The following SSBP3 variants were observed in gnomAD, a reference collection of about 807,000 sequenced individuals.
SSBP3 encodes the protein single stranded DNA binding protein 3.
SSBP3 carries 5 observed loss-of-function variants against 69.6 expected under a neutral mutation model. The ratio of observed to expected loss-of-function variants is 0.07; its 90% CI spans 0.04 to 0.15. The LOEUF (loss-of-function observed/expected upper bound fraction) is 0.15, where lower values mean the gene tolerates loss of function less well. Ranked by LOEUF, SSBP3 falls within the 10% of genes least tolerant of loss-of-function variation. The pLI, the probability that SSBP3 is intolerant of heterozygous loss-of-function variation, is 1.00. For synonymous variants in SSBP3, 196 were observed against 193.4 expected (o/e 1.01, Z -0.11); for missense variants, 312 against 534.0 (o/e 0.58, Z 4.10).
chr1:54,381,382 CAAAAAAAAAA>C (rs59809996), intron 4 of SSBP3, among the ~76,000 whole-genome samples: 22 of 69,498 alleles, frequency 3.2e-4, no homozygotes, highest in Admixed American at 1.9e-3. Context: ...TACACCATCT[CAAAAAAAAAA>C]AAAAAAAAAA....
intron 4 of SSBP3, among the ~76,000 whole-genome samples, chr1:54,290,613 T>TCCAG (rs1361620167): frequency 5.3e-5 from 8 of 152,204 alleles, no homozygotes; most frequent in African/African-American, 1.9e-4. Context: ...AGCACCCGGC[T>TCCAG]TCTTCTGGGG....
At chr1:54,404,522 A>G in intron 3 of SSBP3, 54 bp downstream of exon 3, 1 of 1,599,536 alleles carries the variant, frequency 6.3e-7, no homozygotes, top group Admixed American at 1.7e-5. Flanking sequence ...GTTCACTTGG[A>G]CCCAGGGCTC....
In SSBP3 at chr1:54,396,193, G is replaced by GAAAA. The variant is rs59276509; in HGVS notation, c.276+5664_276+5667dup. On this transcript the variant is annotated intron_variant, in intron 4 of 17. Transcript: ENST00000610401. ...GGTGACAGAGTGAGACTCCATCTCA[G>GAAAA]AAAAAAAAAAAAAAAAAAAAAAAAA... 3.9e-3 allele frequency among the ~76,000 whole-genome samples: 159 copies of GAAAA among 40,566 alleles called. 1 individual carries two copies. The highest frequency in any genetic ancestry group is 5.6e-3 in the Non-Finnish European group (121 of 21,532). The allele number at this position is 40,566 out of a possible 152,430, so 26.6% of individuals were successfully genotyped here.
chr1:54,255,659 C>G (rs1383310942), intron 7 of SSBP3: 2 of 152,060 alleles, frequency 1.3e-5, no homozygotes, highest in African/African-American at 2.4e-5. Flanking sequence ...AGCTGGGTCT[C>G]TAATTCCTCT....
chr1:54,276,441 T>C (rs991007657), intron 5 of SSBP3, among the ~76,000 whole-genome samples: 4 of 151,302 alleles, frequency 2.6e-5, no homozygotes, highest in African/African-American at 7.3e-5. Flanking sequence ...TGAAACCCCA[T>C]CTCTACTAAA....
Position 54,241,593 on chromosome 1 carries a change from C to T in SSBP3, c.766-84G>A, listed in dbSNP as rs1307151514. On this transcript the variant is annotated intron_variant, in intron 11 of 17. Transcript: ENST00000610401. Reference sequence around the variant, plus strand: ...AACCTCCCTGAGGACACGACCCACTCTTCACAGGAAAGGCATCGCCACCCA... The same window carrying T: ...AACCTCCCTGAGGACACGACCCACTTTTCACAGGAAAGGCATCGCCACCCA... 6.8e-6 allele frequency: 10 copies of T among 1,461,436 alleles called. No homozygotes were observed. The South Asian group carries it at 9.1e-5, about 13-fold the overall frequency. 90.5% of individuals were successfully genotyped at this position (1,461,436 alleles called of 1,614,324 possible).
At chr1:54,308,971 C>G (rs757881965) in intron 4 of SSBP3, among the ~76,000 whole-genome samples, 1 of 151,920 alleles carries the variant, frequency 6.6e-6, no homozygotes, top group Non-Finnish European at 1.5e-5. Flanking sequence ...TTAGAATAAT[C>G]AGGGACAAGA....
At chr1:54,235,053 C>T (rs1644462572) in intron 14 of SSBP3, among the ~76,000 whole-genome samples, 1 of 152,180 alleles carries the variant, frequency 6.6e-6, no homozygotes, top group East Asian at 1.9e-4. Flanking sequence ...TAACACGGTA[C>T]CACCAAACTA....
At chr1:54,245,031 C>A (rs1346463817) in intron 9 of SSBP3, among the ~76,000 whole-genome samples, 3 of 152,200 alleles carry the variant, frequency 2.0e-5, no homozygotes, top group Non-Finnish European at 4.4e-5. Flanking sequence ...CAGACTGGCA[C>A]TCACTACGCT....
At chr1:54,312,181 G>A (rs1646015202) in intron 4 of SSBP3, among the ~76,000 whole-genome samples, 1 of 152,134 alleles carries the variant, frequency 6.6e-6, no homozygotes, top group Non-Finnish European at 1.5e-5. Context: ...TGTAATCCCA[G>A]TGCTTTGGGA....
intron 4 of SSBP3, among the ~76,000 whole-genome samples, chr1:54,291,731 T>G (rs1214397297): frequency 6.6e-6 from 1 of 152,202 alleles, no homozygotes; most frequent in East Asian, 1.9e-4. Flanking sequence ...TAAAGAATGA[T>G]GTAGGTCACA....
In SSBP3 at chr1:54,401,843, TA is replaced by T; in HGVS notation, c.276+17del. On this transcript the variant is annotated intron_variant, in intron 4 of 17. Transcript: ENST00000610401. ...CCAACCCTATAATTATTGCTAGGAT[TA>T]AAAATATGTTACTCACATAATCATG... 6.2e-7 allele frequency: 1 copy of T among 1,605,386 alleles called. No individual in the cohort carries two copies. Among genetic ancestry groups the T allele is most frequent in the Non-Finnish European group, 8.5e-7 (1 of 1,172,480 alleles).
intron 4 of SSBP3, among the ~76,000 whole-genome samples, chr1:54,398,725 G>GTGACCCTCCTCCCA (rs1191277202): frequency 4.6e-5 from 7 of 151,986 alleles, no homozygotes; most frequent in Admixed American, 3.3e-4. Flanking sequence ...CCCTCCTCCC[G>GTGACCCTCCTCCCA]TGACCCTCCT....
chr1:54,335,137 C>G (rs553394847), intron 4 of SSBP3, among the ~76,000 whole-genome samples: 1 of 152,300 alleles, frequency 6.6e-6, no homozygotes, highest in African/African-American at 2.4e-5. Flanking sequence ...TGCCCAACAC[C>G]CGGACACAAG....
At chr1:54,265,191 G>A (rs949947734) in intron 5 of SSBP3, among the ~76,000 whole-genome samples, 1 of 152,204 alleles carries the variant, frequency 6.6e-6, no homozygotes, top group African/African-American at 2.4e-5. Context: ...GACCAGATGG[G>A]GGGAGGAAGG....
At chr1:54,260,335 C>G (rs1331947263) in intron 5 of SSBP3, among the ~76,000 whole-genome samples, 1 of 152,250 alleles carries the variant, frequency 6.6e-6, no homozygotes, top group Non-Finnish European at 1.5e-5. Context: ...TTCCTGGTAA[C>G]TGAGTGCTTC....
chr1:54,389,635 A>G (rs1324372644), intron 4 of SSBP3, among the ~76,000 whole-genome samples: 5 of 152,090 alleles, frequency 3.3e-5, no homozygotes. Flanking sequence ...GAGGCAGGAG[A>G]CTGCTTGAGG....
chr1:54,389,921 A>G (rs1648362975), intron 4 of SSBP3, among the ~76,000 whole-genome samples: 1 of 151,714 alleles, frequency 6.6e-6, no homozygotes, highest in East Asian at 1.9e-4. Context: ...AGACAAACCT[A>G]TTAAGTCTAC....
chr1:54,383,740 C>T (rs1236350862), intron 4 of SSBP3, among the ~76,000 whole-genome samples: 1 of 152,156 alleles, frequency 6.6e-6, no homozygotes, highest in Non-Finnish European at 1.5e-5. Flanking sequence ...CCCACTAAGA[C>T]ACAGGCTGAG....
Sources: allele counts gnomAD v4.1 joint callset (sites outside exome capture counted in the v4.1 genomes callset), GRCh38; gene constraint gnomAD v4.1.1; transcripts MANE v1.5; gene names NCBI Gene and HGNC (gene_info 2026-07-23, HGNC 2026-07-21).